RNF220: variants seen among roughly 807,000 people sequenced by gnomAD.
RNF220 encodes the protein ring finger protein 220, also known as E3 ubiquitin-protein ligase RNF220.
Under a neutral mutation model 67.1 loss-of-function variants are expected in RNF220, and 7 were observed. That is an observed-to-expected ratio of 0.10 (90% CI 0.06 to 0.20). The LOEUF is 0.20. Among genes scored for constraint, RNF220 ranks in the 10% least tolerant of loss-of-function variants. The probability of loss-of-function intolerance (pLI) is 1.00; values close to 1 mark genes in which losing one functional copy is unlikely to be tolerated. For missense variants in RNF220, 565 were observed against 740.3 expected (o/e 0.76, Z 2.75); for synonymous variants, 270 against 283.2 (o/e 0.95, Z 0.47).
intron 2 of RNF220, among the ~76,000 whole-genome samples, chr1:44,500,626 G>A (rs376145523): frequency 1.2e-4 from 18 of 152,310 alleles, no homozygotes; most frequent in East Asian, 7.7e-4. Flanking sequence ...TAATGGAAGC[G>A]TGTTTAGACC....
intron 2 of RNF220, among the ~76,000 whole-genome samples, chr1:44,602,440 G>A (rs971913089): frequency 2.0e-5 from 3 of 152,128 alleles, no homozygotes; most frequent in Admixed American, 2.0e-4. Flanking sequence ...AGTGAGTAGA[G>A]AGAGTAAAGG....
At chr1:44,425,612 TG>T (rs932304818) in intron 2 of RNF220, among the ~76,000 whole-genome samples, 27 of 152,338 alleles carry the variant, frequency 1.8e-4, no homozygotes, top group African/African-American at 6.5e-4. Context: ...GCTCTGGGCC[TG>T]TCATTTACTA....
intron 2 of RNF220, among the ~76,000 whole-genome samples, chr1:44,499,654 C>A (rs1395294429): frequency 6.6e-6 from 1 of 151,610 alleles, no homozygotes; most frequent in Non-Finnish European, 1.5e-5. Flanking sequence ...CAGGTGATCC[C>A]TCCAGGGCTT....
At chr1:44,542,955 G>T (rs1054926334) in intron 2 of RNF220, among the ~76,000 whole-genome samples, 3 of 152,104 alleles carry the variant, frequency 2.0e-5, no homozygotes, top group Admixed American at 6.5e-5. Context: ...AGGGCCAGCC[G>T]CACTGGGCCT....
At chr1:44,439,333 A>C (rs1288891318) in intron 2 of RNF220, among the ~76,000 whole-genome samples, 1 of 152,078 alleles carries the variant, frequency 6.6e-6, no homozygotes, top group Non-Finnish European at 1.5e-5. Context: ...TATTGGGATT[A>C]GTTTATCTTC....
At chr1:44,545,302 T>C (rs1662037589) in intron 2 of RNF220, among the ~76,000 whole-genome samples, 1 of 152,178 alleles carries the variant, frequency 6.6e-6, no homozygotes, top group Non-Finnish European at 1.5e-5. Flanking sequence ...GAAGCTTTAT[T>C]GAAGGGAGGT....
chr1:44,619,589 C>G (rs1324710575), intron 3 of RNF220, among the ~76,000 whole-genome samples: 2 of 152,164 alleles, frequency 1.3e-5, no homozygotes, highest in Non-Finnish European at 2.9e-5. Context: ...CAGCCCAGCC[C>G]ATGAATATTG....
chr1:44,458,050 A>G (rs1653379808), intron 2 of RNF220, among the ~76,000 whole-genome samples: 1 of 151,946 alleles, frequency 6.6e-6, no homozygotes, highest in South Asian at 2.1e-4. Context: ...TGAGCCTAGG[A>G]GTTTGAGACC....
chr1:44,516,270 T>A (rs774731853), intron 2 of RNF220, among the ~76,000 whole-genome samples: 27 of 152,186 alleles, frequency 1.8e-4, no homozygotes, highest in Non-Finnish European at 3.4e-4. Flanking sequence ...AAAGAGGTAA[T>A]GTCAAAACAC....
At chr1:44,506,486 C>T (rs1016833108) in intron 2 of RNF220, among the ~76,000 whole-genome samples, 7 of 152,250 alleles carry the variant, frequency 4.6e-5, no homozygotes, top group African/African-American at 1.7e-4. Context: ...GGCCTCTCCA[C>T]TCGGGGCAGC....
At chr1:44,627,503 A>G (rs1643992685) in intron 5 of RNF220, among the ~76,000 whole-genome samples, 1 of 152,078 alleles carries the variant, frequency 6.6e-6, no homozygotes. Context: ...GTCCTACAAT[A>G]TCATAGCAGA....
At chr1:44,488,727 CTTTTTTT>C (rs55968850) in intron 2 of RNF220, among the ~76,000 whole-genome samples, 32 of 102,562 alleles carry the variant, frequency 3.1e-4, no homozygotes, top group African/African-American at 5.8e-4. Context: ...TTTCTTTTTT[CTTTTTTT>C]TTTTTTTTTT....
At chr1:44,501,507 C>T (rs1657873270) in intron 2 of RNF220, among the ~76,000 whole-genome samples, 1 of 149,910 alleles carries the variant, frequency 6.7e-6, no homozygotes, top group Non-Finnish European at 1.5e-5. Context: ...TTCCCGGGCC[C>T]AGGTGGAGGA....
intron 2 of RNF220, among the ~76,000 whole-genome samples, chr1:44,592,155 G>T (rs1666161770): frequency 6.6e-6 from 1 of 152,230 alleles, no homozygotes; most frequent in Non-Finnish European, 1.5e-5. Context: ...GAGAGAGAGG[G>T]CGAGGGAAGG....
In RNF220 at chr1:44,636,152, T is replaced by C. The variant is rs777588828; in HGVS notation, c.1116T>C (p.Gly372=). ...KRIRATTLLE[G]GFRGSGFIMC... ...TACGGGCCACCACTCTCCTGGAAGG[T>C]GGCTTCCGAGGTACAAGCAGCTGAC... The change falls in exon 8 of 15, where the codon GGT becomes GGC. Residue 372 remains glycine (G), a synonymous_variant. Transcript: ENST00000361799. The C allele has an allele frequency of 8.1e-6, 13 of 1,603,268 alleles. No homozygotes were observed. The highest frequency in any genetic ancestry group is 6.6e-5 in the South Asian group (6 of 90,406).
At chr1:44,494,615 G>C (rs901251317) in intron 2 of RNF220, among the ~76,000 whole-genome samples, 4 of 151,534 alleles carry the variant, frequency 2.6e-5, no homozygotes, top group African/African-American at 9.7e-5. Flanking sequence ...AAAAGATACA[G>C]AACACTAGAT....
chr1:44,544,283 G>A (rs1661935398), intron 2 of RNF220, among the ~76,000 whole-genome samples: 1 of 152,226 alleles, frequency 6.6e-6, no homozygotes. Flanking sequence ...TGTCTTCTGA[G>A]GCTGTAGATT....
intron 2 of RNF220, among the ~76,000 whole-genome samples, chr1:44,590,394 GTAT>G (rs1395540348): frequency 6.6e-6 from 1 of 152,198 alleles, no homozygotes; most frequent in African/African-American, 2.4e-5. Context: ...CATGATCTCA[GTAT>G]TCTCCATCCT....
chr1:44,502,546 A>T (rs1391388807), intron 2 of RNF220, among the ~76,000 whole-genome samples: 2 of 152,184 alleles, frequency 1.3e-5, no homozygotes, highest in African/African-American at 2.4e-5. Flanking sequence ...TCCTTGTGTT[A>T]GACATTGTGC....
Sources: gnomAD v4.1 joint callset for allele counts (sites outside exome capture counted in the v4.1 genomes callset) on GRCh38, gnomAD v4.1.1 for gene constraint, MANE v1.5 for transcripts, NCBI Gene and HGNC (gene_info 2026-07-23, HGNC 2026-07-21) for gene names.